The following ST6GALNAC3 variants were observed in gnomAD, a reference collection of about 807,000 sequenced individuals.
ST6GALNAC3 encodes the protein ST6 N-acetylgalactosaminide alpha-2,6-sialyltransferase 3, also known as alpha-N-acetylgalactosaminide alpha-2,6-sialyltransferase 3.
ST6GALNAC3 carries 25 observed loss-of-function variants against 32.7 expected under a neutral mutation model. The ratio of observed to expected loss-of-function variants is 0.76; its 90% confidence interval spans 0.56 to 1.07. The LOEUF (loss-of-function observed/expected upper bound fraction) is 1.07. ST6GALNAC3 is among the 50% of genes least tolerant of loss of function. The probability of loss-of-function intolerance (pLI) is 0.00; values close to 1 mark genes in which losing one functional copy is unlikely to be tolerated. For missense variants in ST6GALNAC3, 355 were observed against 382.4 expected, an observed-to-expected ratio of 0.93 and a Z score of 0.60; for synonymous variants, 129 against 133.1, an observed-to-expected ratio of 0.97 and a Z score of 0.21.
At chr1:76,254,003 G>T (rs1657773551) in intron 1 of ST6GALNAC3, among the ~76,000 whole-genome samples, 2 of 152,242 alleles carry the variant, frequency 1.3e-5, no homozygotes, top group South Asian at 4.1e-4. Context: ...AGCCCTCTGT[G>T]AATGAAGTAA....
intron 1 of ST6GALNAC3, among the ~76,000 whole-genome samples, chr1:76,273,052 C>A (rs1658943129): frequency 6.6e-6 from 1 of 152,128 alleles, no homozygotes; most frequent in Admixed American, 6.5e-5. Flanking sequence ...AAATAGCTTT[C>A]TTTTCCTATT....
chr1:76,635,590 G>C (rs989297798), downstream of ST6GALNAC3, among the ~76,000 whole-genome samples: 1 of 152,114 alleles, frequency 6.6e-6, no homozygotes, highest in African/African-American at 2.4e-5. Context: ...TCTGGGGAAG[G>C]CTAATAAATG....
chr1:76,348,039 A>G (rs979106589), intron 2 of ST6GALNAC3, among the ~76,000 whole-genome samples: 2 of 152,210 alleles, frequency 1.3e-5, no homozygotes, highest in Non-Finnish European at 2.9e-5. Flanking sequence ...TAGTAATTGC[A>G]TAATACGACA....
intron 3 of ST6GALNAC3, among the ~76,000 whole-genome samples, chr1:76,603,546 C>T (rs1647339259): frequency 1.3e-5 from 2 of 152,160 alleles, no homozygotes; most frequent in South Asian, 2.1e-4. Context: ...TGGACACGTA[C>T]ATGCACAGTA....
At chr1:76,137,893 C>A (rs543352214) in intron 1 of ST6GALNAC3, among the ~76,000 whole-genome samples, 2 of 152,204 alleles carry the variant, frequency 1.3e-5, no homozygotes, top group Non-Finnish European at 2.9e-5. Flanking sequence ...CCATCTCTGA[C>A]CCAAACACTC....
intron 1 of ST6GALNAC3, among the ~76,000 whole-genome samples, chr1:76,191,838 T>A (rs1465844598): frequency 6.6e-6 from 1 of 151,702 alleles, no homozygotes; most frequent in Non-Finnish European, 1.5e-5. Flanking sequence ...GTAAATTAGC[T>A]TGTGTATTGA....
chr1:76,351,611 T>A lies in ST6GALNAC3; in HGVS notation c.213+37612T>A, dbSNP rs551869109. Among the ~76,000 whole-genome samples the A allele has an allele frequency of 3.9e-5, 6 of 152,310 alleles. No individual in the cohort carries two copies. The East Asian group carries it at 9.6e-4, about 24-fold the overall frequency. On this transcript the variant is annotated intron_variant, in intron 2 of 4. Coordinates refer to ENST00000328299, the MANE Select transcript of ST6GALNAC3 (RefSeq NM_152996.4). Reference sequence around the variant, plus strand: ...CTGACAGCCTAGCTGTTGAATTTATTTGTCCACTTTAGAATTAAAATATTG... The same window carrying A: ...CTGACAGCCTAGCTGTTGAATTTATATGTCCACTTTAGAATTAAAATATTG...
At chr1:76,157,052 A>C (rs1363728980) in intron 1 of ST6GALNAC3, among the ~76,000 whole-genome samples, 1 of 148,718 alleles carries the variant, frequency 6.7e-6, no homozygotes, top group Non-Finnish European at 1.5e-5. Context: ...CTTTTATTGG[A>C]GGGTGGTATT....
At chr1:76,445,070 G>A (rs1656876787) in intron 3 of ST6GALNAC3, among the ~76,000 whole-genome samples, 1 of 152,146 alleles carries the variant, frequency 6.6e-6, no homozygotes, top group Non-Finnish European at 1.5e-5. Context: ...CCTCATAACT[G>A]GTAAATCAAG....
chr1:76,462,524 G>A, intron 3 of ST6GALNAC3, among the ~76,000 whole-genome samples: 1 of 126,332 alleles, frequency 7.9e-6, no homozygotes, highest in East Asian at 2.5e-4. Context: ...GTGGCAGCCA[G>A]CATTTTTTTT....
chr1:76,204,427 T>C (rs1449342995), intron 1 of ST6GALNAC3, among the ~76,000 whole-genome samples: 2 of 152,182 alleles, frequency 1.3e-5, no homozygotes, highest in Non-Finnish European at 2.9e-5. Flanking sequence ...AGAGTTGGAA[T>C]TGAGAACTAG....
chr1:76,378,523 A>G (rs1026006519), intron 2 of ST6GALNAC3, among the ~76,000 whole-genome samples: 3 of 151,972 alleles, frequency 2.0e-5, no homozygotes, highest in Non-Finnish European at 4.4e-5. Flanking sequence ...TTAGCTGAGC[A>G]TGGTGGCATG....
intron 2 of ST6GALNAC3, among the ~76,000 whole-genome samples, chr1:76,378,490 C>T (rs975879180): frequency 5.3e-5 from 8 of 151,930 alleles, no homozygotes; most frequent in South Asian, 2.1e-4. Flanking sequence ...GAGGAAATGC[C>T]GTCTCTAATA....
chr1:76,604,310 C>A (rs1440062703), intron 3 of ST6GALNAC3, among the ~76,000 whole-genome samples: 1 of 152,162 alleles, frequency 6.6e-6, no homozygotes, highest in East Asian at 1.9e-4. Context: ...AGATACTATA[C>A]CCCCTCTTAG....
At chr1:76,444,180 A>G (rs1317292517) in intron 3 of ST6GALNAC3, among the ~76,000 whole-genome samples, 1 of 152,222 alleles carries the variant, frequency 6.6e-6, no homozygotes, top group Non-Finnish European at 1.5e-5. Context: ...CTGGCATGGC[A>G]GGCGGTCTTC....
chr1:76,292,894 C>T (rs1054564976), intron 1 of ST6GALNAC3, among the ~76,000 whole-genome samples: 1 of 152,170 alleles, frequency 6.6e-6, no homozygotes, highest in Non-Finnish European at 1.5e-5. Context: ...CCTCCTTGAA[C>T]TTCCATTTGG....
At chr1:76,233,415 C>T (rs891060498) in intron 1 of ST6GALNAC3, among the ~76,000 whole-genome samples, 1 of 152,032 alleles carries the variant, frequency 6.6e-6, no homozygotes, top group Non-Finnish European at 1.5e-5. Flanking sequence ...ACAAGTAAGC[C>T]CAAAAACAAG....
intron 3 of ST6GALNAC3, among the ~76,000 whole-genome samples, chr1:76,579,794 T>A (rs1570352536): frequency 6.6e-6 from 1 of 152,054 alleles, no homozygotes; most frequent in Non-Finnish European, 1.5e-5. Flanking sequence ...TTTATTATAT[T>A]AGATTTTTGT....
chr1:76,595,070 C>T (rs12024251), intron 3 of ST6GALNAC3, among the ~76,000 whole-genome samples: 46,306 of 151,886 alleles, frequency 0.3, 8,885 homozygotes, highest in East Asian at 0.57. Flanking sequence ...AGACCCTGGC[C>T]GAGCAATGGA....
Sources: gnomAD v4.1 joint callset for allele counts (sites outside exome capture counted in the v4.1 genomes callset) on GRCh38, gnomAD v4.1.1 for gene constraint, MANE v1.5 for transcripts, NCBI Gene and HGNC (gene_info 2026-07-23, HGNC 2026-07-21) for gene names.